DOCK1: variants seen among roughly 807,000 people sequenced by gnomAD.
The protein encoded by DOCK1 is dedicator of cytokinesis 1.
In DOCK1, 138 loss-of-function variants were observed where a neutral mutation model predicts 262.7. That is an observed-to-expected ratio of 0.53 (90% confidence interval 0.46 to 0.61). DOCK1 has a LOEUF of 0.61. Among genes scored for constraint, DOCK1 ranks in the 20% least tolerant of loss-of-function variants. DOCK1 has a pLI of 0.00. For synonymous variants in DOCK1, 866 were observed against 867.4 expected (o/e 1.00, Z 0.03); for missense variants, 1,908 against 2,370.7 (o/e 0.80, Z 4.05).
chr10:127,084,680 A>G (rs1008335576), intron 23 of DOCK1, among the ~76,000 whole-genome samples: 4 of 152,172 alleles, frequency 2.6e-5, no homozygotes, highest in African/African-American at 7.2e-5. Flanking sequence ...ATGGAGCTCA[A>G]ACTTCACAGG....
intron 29 of DOCK1, among the ~76,000 whole-genome samples, chr10:127,258,027 CA>C (rs1433362161): frequency 2.6e-5 from 4 of 152,138 alleles, no homozygotes; most frequent in Non-Finnish European, 4.4e-5. Flanking sequence ...TTTTCTTTCT[CA>C]TTGCAATTTT....
chr10:127,185,506 T>C (rs797010830), intron 27 of DOCK1, among the ~76,000 whole-genome samples: 27 of 152,250 alleles, frequency 1.8e-4, no homozygotes, highest in African/African-American at 6.3e-4. Context: ...AGCAAGAGAA[T>C]CTTAACACTA....
intron 27 of DOCK1, 188 bp downstream of exon 27, chr10:127,127,952 T>C (rs1051023857): frequency 2.5e-6 from 1 of 405,594 alleles, no homozygotes; most frequent in African/African-American, 2.0e-5. Context: ...ACTTTAAAGA[T>C]GGAAACATTT....
intron 28 of DOCK1, among the ~76,000 whole-genome samples, chr10:127,249,449 ACACACACACACACG>A (rs1380190430): frequency 6.6e-6 from 1 of 151,842 alleles, no homozygotes; most frequent in Non-Finnish European, 1.5e-5. Flanking sequence ...ACACACACAC[ACACACACACACACG>A]CAGTCGTGTG....
At chr10:127,078,384 A>C (rs2046694597) in intron 23 of DOCK1, among the ~76,000 whole-genome samples, 2 of 151,934 alleles carry the variant, frequency 1.3e-5, no homozygotes, top group South Asian at 2.1e-4. Flanking sequence ...GTGTGGGGCA[A>C]CCTTGCATCC....
At chr10:127,253,983 A>G (rs970894802) in intron 28 of DOCK1, among the ~76,000 whole-genome samples, 2 of 151,716 alleles carry the variant, frequency 1.3e-5, no homozygotes, top group African/African-American at 4.8e-5. Flanking sequence ...GTCTCTATCT[A>G]TACAGCCAAC....
chr10:126,984,876 T>G (rs10443994), intron 4 of DOCK1, among the ~76,000 whole-genome samples: 69,590 of 151,692 alleles, frequency 0.46, 16,454 homozygotes, highest in East Asian at 0.66. Flanking sequence ...GTAGTCACCT[T>G]GGTGTAGGAT....
intron 1 of DOCK1, among the ~76,000 whole-genome samples, chr10:126,934,093 A>T (rs1444530688): frequency 1.3e-5 from 2 of 152,032 alleles, no homozygotes; most frequent in Non-Finnish European, 2.9e-5. Flanking sequence ...CTGGGATTAC[A>T]TGTGTTATCC....
chr10:127,323,661 T>C (rs745649807), intron 29 of DOCK1, among the ~76,000 whole-genome samples: 12 of 152,196 alleles, frequency 7.9e-5, no homozygotes, highest in Non-Finnish European at 1.6e-4. Context: ...TGCCTGCTTC[T>C]TTGAGTTCTG....
chr10:126,963,950 A>G (rs1349462211), intron 1 of DOCK1, among the ~76,000 whole-genome samples: 1 of 152,072 alleles, frequency 6.6e-6, no homozygotes, highest in Non-Finnish European at 1.5e-5. Flanking sequence ...CGTGGCTGCC[A>G]GTTTGATTTT....
chr10:127,166,968 A>T (rs2133774098), intron 27 of DOCK1, among the ~76,000 whole-genome samples: 1 of 152,290 alleles, frequency 6.6e-6, no homozygotes. Context: ...CATTCTGCAC[A>T]GGAAGATTAT....
chr10:127,242,602 G>A (rs538860652), intron 27 of DOCK1, among the ~76,000 whole-genome samples: 15 of 151,932 alleles, frequency 9.9e-5, no homozygotes, highest in Non-Finnish European at 1.0e-4. Context: ...GCTTGAATGC[G>A]CCCCAAAAGA....
intron 43 of DOCK1, among the ~76,000 whole-genome samples, chr10:127,414,446 C>G (rs754098797): frequency 1.3e-5 from 2 of 152,176 alleles, no homozygotes; most frequent in Non-Finnish European, 2.9e-5. Flanking sequence ...TGGGTTAGAA[C>G]AGTTTCCTGC....
chr10:127,202,761 T>G (rs543485701), intron 27 of DOCK1, among the ~76,000 whole-genome samples: 20 of 152,340 alleles, frequency 1.3e-4, no homozygotes, highest in African/African-American at 4.8e-4. Context: ...AACTGGGCAC[T>G]CAATACTGTT....
chr10:127,364,750 C>A (rs2064804852), intron 33 of DOCK1, among the ~76,000 whole-genome samples: 1 of 152,118 alleles, frequency 6.6e-6, no homozygotes, highest in Admixed American at 6.5e-5. Context: ...AGTTTAACTT[C>A]CCCAGTGTAA....
rs758033229 is a variant in DOCK1, at chr10:126,981,894, A to G, written c.172-24A>G. The G allele has an allele frequency of 1.0e-4, 162 of 1,599,024 alleles. 1 individual carries two copies. The highest frequency in any genetic ancestry group is 1.3e-4 in the Non-Finnish European group (156 of 1,173,896). ...AGCAATCCTATTGATAATAAAAGCTACTGTTTTTTTTTTCCTCCCAAAGGG... is the reference window on the plus strand; with the variant it reads ...AGCAATCCTATTGATAATAAAAGCTGCTGTTTTTTTTTTCCTCCCAAAGGG... On this transcript the variant is annotated intron_variant, in intron 3 of 51. Coordinates refer to ENST00000623213, the MANE Select transcript of DOCK1 (RefSeq NM_001290223.2).
chr10:126,960,117 G>A lies in DOCK1; in HGVS notation c.47-10585G>A, dbSNP rs1305243075. Among the ~76,000 whole-genome samples, 7 of 152,310 alleles carry A rather than the reference G, an allele frequency of 4.6e-5. No homozygotes were observed. The East Asian group carries it at 5.8e-4, about 13-fold the overall frequency. ...GCTTGAAGTAAGTACAAGCAAAGCC[G>A]CAGTGGTTTCCAGTGGGTTTAACAT... On this transcript the variant is annotated intron_variant, in intron 1 of 51. Coordinates refer to ENST00000623213, the MANE Select transcript of DOCK1 (RefSeq NM_001290223.2).
chr10:127,018,725 T>A lies in DOCK1; in HGVS notation c.1217T>A (p.Leu406Ter). 1 of 1,614,048 alleles carries A rather than the reference T, an allele frequency of 6.2e-7. No individual in the cohort carries two copies. Among genetic ancestry groups the A allele is most frequent in the Non-Finnish European group, 8.5e-7 (1 of 1,179,906 alleles). The change falls in exon 13 of 52, where the codon TTG (leucine) becomes TAG (stop). Residue 406 changes from leucine to a stop codon, truncating the protein, a stop_gained. Transcript: ENST00000623213. LOFTEE classifies it high-confidence loss of function. The part of the protein sequence containing the change: ...NHKGQGLWVT[L>*]KLLPGDIHQI... ...GTTTTTCCAGGTTTGTGGGTAACAT[T>A]GAAATTACTTCCTGGAGATATCCAT...
At chr10:127,090,463 CT>C (rs71032537) in intron 23 of DOCK1, among the ~76,000 whole-genome samples, 33,432 of 147,812 alleles carry the variant, frequency 0.23, 5,323 homozygotes, top group African/African-American at 0.46. Context: ...GAGAATGGGA[CT>C]TTTTTTTTTT....
Sources: gnomAD v4.1 joint callset for allele counts (sites outside exome capture counted in the v4.1 genomes callset) on GRCh38, gnomAD v4.1.1 for gene constraint, MANE v1.5 for transcripts, NCBI Gene and HGNC (gene_info 2026-07-23, HGNC 2026-07-21) for gene names.